Variants in RALGAPA2 observed in about 807,000 individuals in gnomAD.
RALGAPA2 encodes the protein ral GTPase-activating protein subunit alpha-2.
RALGAPA2 carries 139 observed loss-of-function variants against 230.4 expected under a neutral mutation model. That is an observed-to-expected ratio of 0.60 (90% CI 0.53 to 0.69). RALGAPA2 has a LOEUF of 0.69. RALGAPA2 is among the 30% of genes least tolerant of loss of function. The pLI, the probability that RALGAPA2 is intolerant of heterozygous loss-of-function variation, is 0.00. For missense variants in RALGAPA2, 2,163 were observed against 2,276.0 expected (o/e 0.95, Z 1.01); for synonymous variants, 847 against 837.8 (o/e 1.01, Z -0.19).
At chr20:20,693,992 T>C (rs1309785978) in intron 1 of RALGAPA2, among the ~76,000 whole-genome samples, 2 of 151,876 alleles carry the variant, frequency 1.3e-5, no homozygotes, top group South Asian at 2.1e-4. Flanking sequence ...TAGTCCCAAC[T>C]ACTTGGGAGG....
rs1256571163 is a variant in RALGAPA2, at chr20:20,392,046, A to G, written c.*1243T>C. ...GAGGCAGGTCAAGGGTCCAGGACAC[A>G]GCCTGGGGCCTGCGCCAGCAGCTCT... On this transcript the variant is annotated 3_prime_UTR_variant, in exon 40 of 40. Coordinates refer to ENST00000202677, the MANE Select transcript of RALGAPA2 (RefSeq NM_020343.4). 1 of 152,320 alleles carries G rather than the reference A, an allele frequency of 6.6e-6. No individual in the cohort carries two copies. The highest frequency in any genetic ancestry group is 1.9e-4 in the East Asian group (1 of 5,202). The allele number at this position is 152,320 out of a possible 1,614,324, so 9.4% of individuals were successfully genotyped here.
At chr20:20,400,272 G>C (rs959005596) in intron 38 of RALGAPA2, among the ~76,000 whole-genome samples, 1 of 152,210 alleles carries the variant, frequency 6.6e-6, no homozygotes, top group African/African-American at 2.4e-5. Context: ...CAGTGGCTGT[G>C]TCCTGGCCCT....
chr20:20,645,354 T>C (rs2067177273), intron 4 of RALGAPA2, among the ~76,000 whole-genome samples: 2 of 151,972 alleles, frequency 1.3e-5, no homozygotes, highest in African/African-American at 4.8e-5. Context: ...GCTCAGGCAA[T>C]CCACCCGCCT....
intron 3 of RALGAPA2, among the ~76,000 whole-genome samples, chr20:20,664,701 G>GA (rs1418259449): frequency 1.6e-4 from 25 of 152,202 alleles, no homozygotes; most frequent in African/African-American, 4.6e-4. Context: ...TGTTTTAGGG[G>GA]AAAAAATCAC....
rs753761081 is a variant in RALGAPA2 at position 20,513,153 on chromosome 20, G to C, written c.4216C>G (p.His1406Asp). The change falls in exon 32 of 40, where the codon CAT becomes GAT. Residue 1406 changes from histidine (H) to aspartate (D), a missense_variant. Transcript: ENST00000202677. The stretch of plus-strand genomic sequence containing the variant: ...GAGCCTTCCACATGGGCATTGTCAT[G>C]GTTCTCGCTGACAAGGCTGTGCAGT... ...AILHSLVSEN[H>D]DNAHVEGSEL... 6.4e-7 allele frequency: 1 copy of C among 1,556,282 alleles called. No individual in the cohort carries two copies. Among genetic ancestry groups the C allele is most frequent in the Admixed American group, 2.0e-5 (1 of 51,066 alleles).
intron 31 of RALGAPA2, among the ~76,000 whole-genome samples, chr20:20,519,053 A>G (rs899834045): frequency 3.9e-5 from 6 of 152,234 alleles, no homozygotes; most frequent in Non-Finnish European, 8.8e-5. Flanking sequence ...CAACATGAAA[A>G]TGAACCATGT....
In RALGAPA2 at chr20:20,605,382, G is replaced by C. The variant is rs757430781; in HGVS notation, c.1831C>G (p.Leu611Val). The C allele has an allele frequency of 3.1e-6, 5 of 1,613,558 alleles. No homozygotes were observed. The African/African-American group carries it at 6.7e-5, about 22-fold the overall frequency. Residue 611 changes from leucine (L) to valine (V), a missense_variant, in exon 15 of 40, where the codon CTC becomes GTC. Transcript: ENST00000202677. ...AGCTCTCGAGAAATGTACACACAGA[G>C]GTTTGCTCGGATCCAAGCTACCATG... Reference protein sequence around the residue: ...TLMVAWIRANLCVYISRELWD... With the variant: ...TLMVAWIRANVCVYISRELWD...
intron 33 of RALGAPA2, among the ~76,000 whole-genome samples, chr20:20,506,408 T>C (rs1283851801): frequency 6.6e-6 from 1 of 152,192 alleles, no homozygotes; most frequent in Non-Finnish European, 1.5e-5. Flanking sequence ...CTACAAATTA[T>C]ACCCTGGAGT....
At chr20:20,421,153 T>C (rs977967407) in intron 37 of RALGAPA2, among the ~76,000 whole-genome samples, 1 of 152,050 alleles carries the variant, frequency 6.6e-6, no homozygotes, top group Non-Finnish European at 1.5e-5. Flanking sequence ...TGGATGTGCA[T>C]AGACATTTAT....
chr20:20,590,556 C>T (rs1416951230), intron 17 of RALGAPA2, among the ~76,000 whole-genome samples: 2 of 152,058 alleles, frequency 1.3e-5, no homozygotes, highest in Non-Finnish European at 2.9e-5. Context: ...ACTAGACACA[C>T]TTTAAGCACA....
chr20:20,489,644 A>G (rs2062000620), intron 36 of RALGAPA2, among the ~76,000 whole-genome samples: 1 of 152,086 alleles, frequency 6.6e-6, no homozygotes, highest in African/African-American at 2.4e-5. Context: ...ATACTACTGT[A>G]AAGATAAATT....
intron 18 of RALGAPA2, 29 bp downstream of exon 18, chr20:20,589,239 C>T: frequency 6.6e-7 from 1 of 1,526,268 alleles, no homozygotes; most frequent in South Asian, 1.3e-5. Context: ...TTTTTAATGA[C>T]AAACTGAAAT....
chr20:20,633,206 C>T (rs1457977367), intron 9 of RALGAPA2, among the ~76,000 whole-genome samples: 2 of 152,052 alleles, frequency 1.3e-5, no homozygotes, highest in African/African-American at 4.8e-5. Flanking sequence ...ACAATCTCTG[C>T]TCACTCCAAC....
chr20:20,672,094 G>T (rs1020046361), intron 3 of RALGAPA2, among the ~76,000 whole-genome samples: 1 of 152,172 alleles, frequency 6.6e-6, no homozygotes, highest in Admixed American at 6.5e-5. Flanking sequence ...CCAGTTCCCA[G>T]CTATGGTAAG....
rs781503424 is a variant in RALGAPA2, at chr20:20,605,387, G to A, written c.1826C>T (p.Ala609Val). 7 of 1,613,686 alleles carry A rather than the reference G, an allele frequency of 4.3e-6. No homozygotes were observed. In the South Asian group the frequency reaches 6.6e-5, roughly 15 times the overall value. The change falls in exon 15 of 40, where the codon GCA (alanine) becomes GTA (valine). Residue 609 changes from alanine to valine, a missense_variant. Ala to Val is a moderately conservative substitution (Grantham distance 64, BLOSUM62 0). Coordinates refer to ENST00000202677, the MANE Select transcript of RALGAPA2 (RefSeq NM_020343.4). ...FRTLMVAWIR[A>V]NLCVYISREL... is the part of the protein sequence containing the mutation. ...TCGAGAAATGTACACACAGAGGTTTGCTCGGATCCAAGCTACCATGAGCGT... is the reference window on the plus strand; with the variant it reads ...TCGAGAAATGTACACACAGAGGTTTACTCGGATCCAAGCTACCATGAGCGT...
chr20:20,660,878 C>G (rs1257441251), intron 3 of RALGAPA2, among the ~76,000 whole-genome samples: 2 of 151,994 alleles, frequency 1.3e-5, no homozygotes, highest in Non-Finnish European at 2.9e-5. Context: ...TCTTGTTGAA[C>G]AAAGGTTATT....
chr20:20,572,514 TTAA>T (rs2145927398), intron 21 of RALGAPA2, among the ~76,000 whole-genome samples: 1 of 152,184 alleles, frequency 6.6e-6, no homozygotes, highest in African/African-American at 2.4e-5. Flanking sequence ...AGACTATATA[TTAA>T]TATTGGCTAT....
intron 39 of RALGAPA2, among the ~76,000 whole-genome samples, 189 bp from the exon 40 acceptor site, chr20:20,393,442 A>C (rs1401951667): frequency 6.6e-6 from 1 of 152,252 alleles, no homozygotes; most frequent in East Asian, 1.9e-4. Context: ...CTTTCTTCTT[A>C]TTCTTTGCCC....
intron 4 of RALGAPA2, among the ~76,000 whole-genome samples, chr20:20,649,043 G>A (rs2146574784): frequency 6.6e-6 from 1 of 152,310 alleles, no homozygotes; most frequent in East Asian, 1.9e-4. Flanking sequence ...AAGAAGCACA[G>A]AGCAGTAACG....
Sources: gnomAD v4.1 joint callset for allele counts (sites outside exome capture counted in the v4.1 genomes callset) on GRCh38, gnomAD v4.1.1 for gene constraint, MANE v1.5 for transcripts, NCBI Gene and HGNC (gene_info 2026-07-23, HGNC 2026-07-21) for gene names.